Variants in ST7 observed in about 807,000 individuals in gnomAD.
ST7 encodes suppressor of tumorigenicity 7 protein.
Under a neutral mutation model 78.7 loss-of-function variants are expected in ST7, and 28 were observed. That is an observed-to-expected ratio of 0.36 (90% CI 0.26 to 0.49). The LOEUF (loss-of-function observed/expected upper bound fraction) is 0.49, where lower values mean the gene tolerates loss of function less well. Ranked by LOEUF, ST7 falls within the 20% of genes least tolerant of loss-of-function variation. ST7 has a pLI of 0.99. For missense variants in ST7, 418 were observed against 696.0 expected (o/e 0.60, Z 4.49); for synonymous variants, 247 against 249.6 (o/e 0.99, Z 0.10).
chr7:117,216,619 A>G lies in ST7; in HGVS notation c.1406-2465A>G, dbSNP rs150504214. ...CCAGGAGGTGGGAGGTGACGCTGGCAAGGCTTGTGCAGTGCCTCTACCGGC... is the reference window on the plus strand; with the variant it reads ...CCAGGAGGTGGGAGGTGACGCTGGCGAGGCTTGTGCAGTGCCTCTACCGGC... On this transcript the variant is annotated intron_variant, in intron 13 of 15. Transcript: ENST00000323984. Among the ~76,000 whole-genome samples, 632 of 152,262 alleles carry G rather than the reference A, an allele frequency of 4.2e-3. 8 individuals are homozygous for G. The highest frequency in any genetic ancestry group is 0.014 in the African/African-American group (600 of 41,544).
At chr7:117,041,191 T>C (rs999750354) in intron 1 of ST7, among the ~76,000 whole-genome samples, 16 of 152,216 alleles carry the variant, frequency 1.1e-4, no homozygotes, top group Non-Finnish European at 2.1e-4. Flanking sequence ...AGATGTGTCA[T>C]CTGGCAATGT....
intron 9 of ST7, among the ~76,000 whole-genome samples, chr7:117,161,413 AT>A (rs890043306): frequency 2.0e-5 from 3 of 151,700 alleles, no homozygotes; most frequent in African/African-American, 7.3e-5. Context: ...AAATTTTTGC[AT>A]TTTTTCCCTT....
chr7:117,085,172 G>T (rs1162748064), intron 1 of ST7, among the ~76,000 whole-genome samples: 2 of 152,184 alleles, frequency 1.3e-5, no homozygotes, highest in East Asian at 3.9e-4. Context: ...ATAATACACT[G>T]AGGTAGACTT....
chr7:117,084,218 T>C lies in ST7; in HGVS notation c.152-15544T>C, dbSNP rs147890797. Reference sequence around the variant, plus strand: ...TGCCTTGTGTTAGTGATCTTTAAGCTGGAGCAGATCAATTCCCATGTGTTA... The same window carrying C: ...TGCCTTGTGTTAGTGATCTTTAAGCCGGAGCAGATCAATTCCCATGTGTTA... On this transcript the variant is annotated intron_variant, in intron 1 of 15. Transcript: ENST00000323984. Among the ~76,000 whole-genome samples the C allele has an allele frequency of 2.5e-3, 383 of 152,346 alleles. 1 individual carries two copies. The highest frequency in any genetic ancestry group is 8.4e-3 in the African/African-American group (350 of 41,574).
intron 1 of ST7, among the ~76,000 whole-genome samples, chr7:116,961,988 A>G (rs1585047200): frequency 6.9e-6 from 1 of 144,764 alleles, no homozygotes; most frequent in Non-Finnish European, 1.5e-5. Context: ...CCCTGTGTCC[A>G]TGTGTTCTCA....
At chr7:117,061,648 A>G (rs1798360111) in intron 1 of ST7, among the ~76,000 whole-genome samples, 1 of 152,200 alleles carries the variant, frequency 6.6e-6, no homozygotes, top group Non-Finnish European at 1.5e-5. Context: ...TATAAATTGA[A>G]TTAGTAATTA....
At chr7:117,050,171 C>T (rs1797704955) in intron 1 of ST7, among the ~76,000 whole-genome samples, 3 of 150,004 alleles carry the variant, frequency 2.0e-5, no homozygotes, top group South Asian at 2.1e-4. Context: ...GCTGAGATTG[C>T]ACCACTGCAC....
At chr7:117,206,222 G>A (rs998846062) in intron 12 of ST7, among the ~76,000 whole-genome samples, 1 of 152,224 alleles carries the variant, frequency 6.6e-6, no homozygotes, top group Non-Finnish European at 1.5e-5. Flanking sequence ...AGAAGGCAGA[G>A]TTGTTTCCTT....
chr7:117,138,319 C>T, intron 8 of ST7, 116 bp from the exon 9 acceptor site: 1 of 553,532 alleles, frequency 1.8e-6, no homozygotes, highest in Non-Finnish European at 3.2e-6. Flanking sequence ...ACTTGATCTT[C>T]ATTCTACTAT....
chr7:117,196,378 C>T (rs1364042853), intron 12 of ST7, among the ~76,000 whole-genome samples: 1 of 95,692 alleles, frequency 1.0e-5, no homozygotes, highest in African/African-American at 2.8e-5. Context: ...CACCATTGTA[C>T]ATTCCCACCA....
In ST7 at chr7:117,190,455, C is replaced by A. The variant is rs1451075594; in HGVS notation, c.1152-379C>A. On this transcript the variant is annotated intron_variant, in intron 11 of 15. Coordinates refer to ENST00000323984, the MANE Select transcript of ST7 (RefSeq NM_001369598.1). This position sits in a 1 kb window ranked among gnomAD's most constrained non-coding sequence, Gnocchi z 5.2. ...TGGGAGGCCTCCTTTCAAATCCTTCCCAGTTCTGTTTTTAACCAAGTGCGC... is the reference window on the plus strand; with the variant it reads ...TGGGAGGCCTCCTTTCAAATCCTTCACAGTTCTGTTTTTAACCAAGTGCGC... Among the ~76,000 whole-genome samples, 1 of 152,166 alleles carries A rather than the reference C, an allele frequency of 6.6e-6. No individual in the cohort carries two copies. The highest frequency in any genetic ancestry group is 1.5e-5 in the Non-Finnish European group (1 of 68,020).
intron 10 of ST7, among the ~76,000 whole-genome samples, chr7:117,176,246 G>C (rs1401848625): frequency 6.6e-6 from 1 of 152,066 alleles, no homozygotes; most frequent in Non-Finnish European, 1.5e-5. Context: ...AGGGACAGCT[G>C]GTCTTTCTTA....
chr7:117,095,711 T>C (rs1395279133), intron 1 of ST7, among the ~76,000 whole-genome samples: 3 of 152,168 alleles, frequency 2.0e-5, no homozygotes, highest in Admixed American at 6.5e-5. Context: ...AGTTGTTACA[T>C]GTTGGTTTTT....
At chr7:117,205,374 A>T (rs747551162) in intron 12 of ST7, among the ~76,000 whole-genome samples, 6 of 152,080 alleles carry the variant, frequency 3.9e-5, no homozygotes, top group African/African-American at 1.2e-4. Context: ...ATATAAATTA[A>T]TGTACCTGTT....
chr7:117,129,157 A>G (rs1319249477), intron 3 of ST7, among the ~76,000 whole-genome samples: 1 of 151,874 alleles, frequency 6.6e-6, no homozygotes, highest in East Asian at 1.9e-4. Context: ...TGCTAACATG[A>G]TGATATTAGT....
At chr7:117,121,371 C>T (rs1036951160) in intron 3 of ST7, among the ~76,000 whole-genome samples, 1 of 152,102 alleles carries the variant, frequency 6.6e-6, no homozygotes, top group Non-Finnish European at 1.5e-5. Context: ...TATATGTGTA[C>T]CCTTTAGGAT....
At chr7:117,099,307 A>G (rs1801389111) in intron 1 of ST7, among the ~76,000 whole-genome samples, 1 of 152,060 alleles carries the variant, frequency 6.6e-6, no homozygotes, top group Non-Finnish European at 1.5e-5. Flanking sequence ...ATAATCTTTA[A>G]TAACTATTTA....
chr7:117,227,956 G>C (rs532388127), intron 15 of ST7, among the ~76,000 whole-genome samples: 1 of 152,162 alleles, frequency 6.6e-6, no homozygotes, highest in Non-Finnish European at 1.5e-5. Flanking sequence ...AACCTGACAC[G>C]CAGGGCCCTC....
intron 9 of ST7, among the ~76,000 whole-genome samples, chr7:117,146,788 G>A (rs946832883): frequency 2.6e-5 from 4 of 152,200 alleles, no homozygotes; most frequent in Non-Finnish European, 5.9e-5. Context: ...GAAGTCTGGG[G>A]TGAGAGAGGT....
Sources: gnomAD v4.1 joint callset for allele counts (sites outside exome capture counted in the v4.1 genomes callset) on GRCh38, gnomAD v4.1.1 for gene constraint, Gnocchi (gnomAD v3.1) non-coding constraint, MANE v1.5 for transcripts, NCBI Gene and HGNC (gene_info 2026-07-23, HGNC 2026-07-21) for gene names.